COL26A1: variants seen among roughly 807,000 people sequenced by gnomAD.
COL26A1 encodes the protein collagen type XXVI alpha 1 chain.
A neutral mutation model predicts 59.3 loss-of-function variants in COL26A1; 41 were observed. That is an observed-to-expected ratio of 0.69 (90% CI 0.54 to 0.90). COL26A1 has a LOEUF of 0.90. COL26A1 is among the 40% of genes least tolerant of loss of function. COL26A1 has a pLI of 0.00. For missense variants in COL26A1, 612 were observed against 602.3 expected, an observed-to-expected ratio of 1.02 and a Z score of -0.17; for synonymous variants, 266 against 256.0, an observed-to-expected ratio of 1.04 and a Z score of -0.37.
chr7:101,413,677 AG>A (rs891270155), intron 1 of COL26A1, among the ~76,000 whole-genome samples: 13 of 152,144 alleles, frequency 8.5e-5, no homozygotes, highest in African/African-American at 3.1e-4. Context: ...GCTGGGGAGA[AG>A]GGAAGGGAAA....
chr7:101,471,573 T>TG (rs1793904925), intron 3 of COL26A1, among the ~76,000 whole-genome samples: 2 of 56,030 alleles, frequency 3.6e-5, no homozygotes, highest in African/African-American at 1.1e-4. Flanking sequence ...TGTTGTTTGT[T>TG]TTTTTTTTTT....
At chr7:101,473,111 A>T in intron 3 of COL26A1, among the ~76,000 whole-genome samples, 1 of 146,326 alleles carries the variant, frequency 6.8e-6, no homozygotes, top group Non-Finnish European at 1.5e-5. Flanking sequence ...ACGGAGTCTC[A>T]CTCTGTCGCC....
intron 3 of COL26A1, among the ~76,000 whole-genome samples, chr7:101,473,704 T>G (rs958408638): frequency 6.5e-5 from 9 of 138,832 alleles, no homozygotes; most frequent in Middle Eastern, 3.6e-3. Flanking sequence ...ACAAAAAAAA[T>G]TAGCCAGGTG....
chr7:101,417,216 GTC>G (rs1252829450), intron 1 of COL26A1, among the ~76,000 whole-genome samples: 2 of 152,098 alleles, frequency 1.3e-5, no homozygotes, highest in Non-Finnish European at 2.9e-5. Flanking sequence ...TAATTTGAAA[GTC>G]TTGGTATCTG....
rs532410690 is a variant in COL26A1 at position 101,387,147 on chromosome 7, C to G, written c.158+23957C>G. Among the ~76,000 whole-genome samples, 4 of 152,238 alleles carry G rather than the reference C, an allele frequency of 2.6e-5. No homozygotes were observed. The East Asian group carries it at 7.7e-4, about 29-fold the overall frequency. On this transcript the variant is annotated intron_variant, in intron 1 of 12. Coordinates refer to ENST00000313669, the MANE Select transcript of COL26A1 (RefSeq NM_001278563.3). ...CTGCTGGCTGAGCCAAAGCCACCCC[C>G]ACGGGATGCAAGCTGACACTCCCAA...
At chr7:101,377,788 T>C (rs1275722249) in intron 1 of COL26A1, among the ~76,000 whole-genome samples, 1 of 152,196 alleles carries the variant, frequency 6.6e-6, no homozygotes. Flanking sequence ...CTTTAGTCCC[T>C]CATCAGTGAA....
Position 101,434,182 on chromosome 7 carries a change from CCTTCT to C in COL26A1, c.282-13499_282-13495del, listed in dbSNP as rs1792856252. 6.8e-3 allele frequency among the ~76,000 whole-genome samples: 875 copies of C among 129,170 alleles called. 4 individuals carry two copies. Among genetic ancestry groups the C allele is most frequent in the Middle Eastern group, 8.6e-3 (2 of 232 alleles). 84.7% of individuals were successfully genotyped at this position (129,170 alleles called of 152,430 possible). A position where few individuals can be genotyped will look rare whatever the true frequency, so the allele number is the denominator to read the frequency against. ...GTTCTTTCTCTCCCCTTCCTTCCTT[CCTTCT>C]CTCTCTCTCTCTCTCCCGCCCCACC... On this transcript the variant is annotated intron_variant, in intron 2 of 12. Transcript: ENST00000313669.
intron 1 of COL26A1, among the ~76,000 whole-genome samples, chr7:101,375,008 C>T (rs544771116): frequency 2.6e-4 from 39 of 151,160 alleles, no homozygotes; most frequent in Non-Finnish European, 3.8e-4. Context: ...TGCAGTGAGC[C>T]GAGATCACAC....
At chr7:101,489,699 G>GTCTTTCTTTCTTTT (rs796075175) in intron 3 of COL26A1, among the ~76,000 whole-genome samples, 34,052 of 49,128 alleles carry the variant, frequency 0.69, 14,579 homozygotes, top group East Asian at 0.91. Context: ...CTTTCTTTCT[G>GTCTTTCTTTCTTTT]TCTTTCTTTC....
intron 1 of COL26A1, among the ~76,000 whole-genome samples, chr7:101,399,544 G>A (rs140739029): frequency 0.028 from 4,204 of 151,898 alleles, 108 homozygotes; most frequent in East Asian, 0.084. Context: ...GGCTGGTCTT[G>A]AACTCCTGAC....
intron 3 of COL26A1, among the ~76,000 whole-genome samples, chr7:101,509,117 C>A (rs987877426): frequency 1.3e-5 from 2 of 151,954 alleles, no homozygotes; most frequent in Admixed American, 1.3e-4. Context: ...AAGAGGGAGC[C>A]AGAGATGGGG....
intron 3 of COL26A1, among the ~76,000 whole-genome samples, chr7:101,482,987 G>C (rs1029547652): frequency 6.6e-6 from 1 of 152,040 alleles, no homozygotes; most frequent in African/African-American, 2.4e-5. Flanking sequence ...GAGTTCCTTA[G>C]GCACAGAAGT....
chr7:101,491,020 C>T (rs1049573531), intron 3 of COL26A1, among the ~76,000 whole-genome samples: 8 of 149,018 alleles, frequency 5.4e-5, no homozygotes, highest in South Asian at 2.1e-4. Context: ...CATAGTGGCA[C>T]ATGCCTGTAT....
intron 3 of COL26A1, among the ~76,000 whole-genome samples, chr7:101,527,329 T>C (rs777853145): frequency 2.0e-5 from 3 of 151,818 alleles, no homozygotes; most frequent in Non-Finnish European, 4.4e-5. Flanking sequence ...TTTTTTCTTT[T>C]TATTTTTTTC....
chr7:101,408,850 C>T (rs1360723022), intron 1 of COL26A1, among the ~76,000 whole-genome samples: 1 of 152,202 alleles, frequency 6.6e-6, no homozygotes, highest in Non-Finnish European at 1.5e-5. Context: ...CTGCTGGCTC[C>T]TGGTCTTCCA....
chr7:101,410,205 T>G (rs896400647), intron 1 of COL26A1, among the ~76,000 whole-genome samples: 1 of 152,188 alleles, frequency 6.6e-6, no homozygotes, highest in African/African-American at 2.4e-5. Flanking sequence ...CATGGATTGC[T>G]GGGCCAGCTG....
chr7:101,397,477 T>TTCCTTCCTTCTCCTTTCCTTC (rs1791884395), intron 1 of COL26A1, among the ~76,000 whole-genome samples: 1 of 140,826 alleles, frequency 7.1e-6, no homozygotes, highest in African/African-American at 2.9e-5. Context: ...CCTTCCTTCC[T>TTCCTTCCTTCTCCTTTCCTTC]TCCTTCTCCT....
Position 101,533,138 on chromosome 7 carries a change from GC to G in COL26A1, c.444del (p.Lys149ArgfsTer5). 1 of 1,603,236 alleles carries G rather than the reference GC, an allele frequency of 6.2e-7. No individual in the cohort carries two copies. On this transcript the variant is annotated frameshift_variant, in exon 4 of 13. Coordinates refer to ENST00000313669, the MANE Select transcript of COL26A1 (RefSeq NM_001278563.3). LOFTEE classifies it high-confidence loss of function. ...GAGTGAGCGACTGACCACACTGGAG[GC>G]CAAGGTCAGTCGGGCTGGGGAGTCT... Reference protein sequence around the residue: ...DMSERLTTLEAKVLLLEAAER... With the variant: ...DMSERLTTLEXKVLLLEAAER...
intron 3 of COL26A1, among the ~76,000 whole-genome samples, chr7:101,509,618 C>T (rs906506897): frequency 2.0e-5 from 3 of 152,090 alleles, no homozygotes; most frequent in African/African-American, 7.2e-5. Context: ...TGCAGAGGTA[C>T]AGGGCAGGGT....
Sources: gnomAD v4.1 joint callset for allele counts (sites outside exome capture counted in the v4.1 genomes callset) on GRCh38, gnomAD v4.1.1 for gene constraint, MANE v1.5 for transcripts, NCBI Gene and HGNC (gene_info 2026-07-23, HGNC 2026-07-21) for gene names.